Variants in EGFR observed in about 807,000 individuals in gnomAD.
EGFR encodes avian erythroblastic leukemia viral (v-erb-b) oncogene homolog.
A neutral mutation model predicts 143.0 loss-of-function variants in EGFR; 58 were observed. The observed-to-expected ratio is 0.41, with a 90% confidence interval of 0.33 to 0.50. EGFR has a LOEUF of 0.50. Among genes scored for constraint, EGFR ranks in the 20% least tolerant of loss-of-function variants. The pLI, the probability that EGFR is intolerant of heterozygous loss-of-function variation, is 0.39. For missense variants in EGFR, 1,307 were observed against 1,579.0 expected (o/e 0.83, Z 2.92); for synonymous variants, 613 against 594.4 (o/e 1.03, Z -0.45).
chr7:55,019,097 G>A lies in EGFR; in HGVS notation c.-181G>A. The A allele has an allele frequency of 3.0e-6, 1 of 328,580 alleles. No individual in the cohort carries two copies. Among genetic ancestry groups the A allele is most frequent in the Non-Finnish European group, 5.3e-6 (1 of 187,956 alleles). The allele number at this position is 328,580 out of a possible 1,614,324, so 20.4% of individuals were successfully genotyped here. ...CGGTGTGAGCGCCCGACGCGGCCGA[G>A]GCGGCCGGAGTCCCGAGCTAGCCCC... On this transcript the variant is annotated 5_prime_UTR_variant, in exon 1 of 28. Coordinates refer to ENST00000275493, the MANE Select transcript of EGFR (RefSeq NM_005228.5).
intron 1 of EGFR, among the ~76,000 whole-genome samples, chr7:55,038,642 T>A (rs1343274882): frequency 6.6e-6 from 1 of 152,224 alleles, no homozygotes; most frequent in South Asian, 2.1e-4. Flanking sequence ...GATTTTTAAA[T>A]TTTTGTTTAT....
rs759582787 is a variant in EGFR, at chr7:55,019,291, G to C, written c.14G>C (p.Gly5Ala). 3 of 1,507,762 alleles carry C rather than the reference G, an allele frequency of 2.0e-6. No homozygotes were observed. The Admixed American group carries it at 5.9e-5, about 30-fold the overall frequency. The allele number at this position is 1,507,762 out of a possible 1,614,324, so 93.4% of individuals were successfully genotyped here. Residue 5 changes from glycine to alanine, a missense_variant, in exon 1 of 28, where the codon GGG (glycine) becomes GCG (alanine). Gly to Ala is a moderately conservative substitution (Grantham distance 60, BLOSUM62 0). Around this residue, in one of 7 missense-constraint regions of EGFR, gnomAD observed 65 missense variants for 37.8 expected, o/e 1.72. Transcript: ENST00000275493. MRPSGTAGAALLALL... is the reference protein window; with the variant it reads MRPSATAGAALLALL... Reference sequence around the variant, plus strand: ...CGGGGAGCAGCGATGCGACCCTCCGGGACGGCCGGGGCAGCGCTCCTGGCG... The same window carrying C: ...CGGGGAGCAGCGATGCGACCCTCCGCGACGGCCGGGGCAGCGCTCCTGGCG...
intron 8 of EGFR, 53 bp from the exon 9 acceptor site, chr7:55,156,480 T>C (rs1785424288): frequency 6.2e-7 from 1 of 1,612,172 alleles, no homozygotes; most frequent in Non-Finnish European, 8.5e-7. Flanking sequence ...GATCCCTAGC[T>C]ATTCTTAATC....
intron 6 of EGFR, among the ~76,000 whole-genome samples, chr7:55,153,799 G>A (rs774567921): frequency 2.0e-5 from 3 of 152,168 alleles, no homozygotes; most frequent in Non-Finnish European, 4.4e-5. Flanking sequence ...AGGTGGGACA[G>A]TGCACCTAAG....
At chr7:55,058,785 G>A (rs1011219998) in intron 1 of EGFR, among the ~76,000 whole-genome samples, 2 of 152,024 alleles carry the variant, frequency 1.3e-5, no homozygotes, top group Admixed American at 1.3e-4. Flanking sequence ...AAACTACTAT[G>A]ACACAAGTTT....
In EGFR at chr7:55,159,306, T is replaced by C. The variant is rs17289977; in HGVS notation, c.1299-833T>C. On this transcript the variant is annotated intron_variant, in intron 11 of 27. Transcript: ENST00000275493. Reference sequence around the variant, plus strand: ...GAGGGGCTAGTGGTTCTCACACCCATCGTGGTCTGGCTGGGGCTAGTGGTT... The same window carrying C: ...GAGGGGCTAGTGGTTCTCACACCCACCGTGGTCTGGCTGGGGCTAGTGGTT... Among the ~76,000 whole-genome samples the C allele has an allele frequency of 7.7e-3, 1,179 of 152,256 alleles. 14 individuals are homozygous for C. Among genetic ancestry groups the C allele is most frequent in the African/African-American group, 0.027 (1,121 of 41,536 alleles).
chr7:55,031,460 A>G (rs1266710138), intron 1 of EGFR, among the ~76,000 whole-genome samples: 1 of 152,168 alleles, frequency 6.6e-6, no homozygotes, highest in East Asian at 1.9e-4. Context: ...TTTTCACTTC[A>G]CTTTCCACCT....
chr7:55,170,232 G>C, intron 15 of EGFR: 2 of 1,612,014 alleles, frequency 1.2e-6, no homozygotes, highest in South Asian at 2.2e-5. Flanking sequence ...AAACTGTTAG[G>C]ATCAGATTAT....
intron 4 of EGFR, among the ~76,000 whole-genome samples, chr7:55,147,803 C>G (rs534479903): frequency 5.3e-5 from 8 of 152,350 alleles, no homozygotes; most frequent in Non-Finnish European, 1.0e-4. Flanking sequence ...AGCCTCTGGC[C>G]CTGGCAGGCA....
chr7:55,077,800 A>G (rs1790218027), intron 1 of EGFR, among the ~76,000 whole-genome samples: 1 of 152,126 alleles, frequency 6.6e-6, no homozygotes, highest in South Asian at 2.1e-4. Flanking sequence ...TAAAAAAGAA[A>G]CCTGGGAGAG....
At chr7:55,163,710 G>C (rs185028309) in intron 13 of EGFR, 23 bp from the exon 14 acceptor site, 10 of 1,608,684 alleles carry the variant, frequency 6.2e-6, no homozygotes, top group Non-Finnish European at 8.5e-6. Context: ...GTGGGCTGAC[G>C]GGTTTCCTCT....
chr7:55,156,302 T>C (rs559723032), intron 8 of EGFR, among the ~76,000 whole-genome samples: 3 of 152,296 alleles, frequency 2.0e-5, no homozygotes, highest in Non-Finnish European at 2.9e-5. Flanking sequence ...GTGACAGGGA[T>C]GGCATCTCCT....
chr7:55,136,696 T>A (rs1794164784), intron 1 of EGFR, among the ~76,000 whole-genome samples: 1 of 152,248 alleles, frequency 6.6e-6, no homozygotes, highest in African/African-American at 2.4e-5. Context: ...TAATGTTGAA[T>A]TTTTTATCTT....
In EGFR at chr7:55,147,220, A is replaced by G. The variant is rs1794813340; in HGVS notation, c.559+480A>G. 2.6e-5 allele frequency among the ~76,000 whole-genome samples: 4 copies of G among 152,334 alleles called. No homozygotes were observed. The South Asian group carries it at 8.3e-4, about 32-fold the overall frequency. ...ACTGCCATGGAGAGGAAGTCTGTCCATGTTTCCTTGAATACTGGTGGCCTG... is the reference window on the plus strand; with the variant it reads ...ACTGCCATGGAGAGGAAGTCTGTCCGTGTTTCCTTGAATACTGGTGGCCTG... On this transcript the variant is annotated intron_variant, in intron 4 of 27. Transcript: ENST00000275493.
intron 1 of EGFR, among the ~76,000 whole-genome samples, chr7:55,065,670 T>C (rs6964933): frequency 1.3e-5 from 2 of 152,026 alleles, no homozygotes; most frequent in Non-Finnish European, 2.9e-5. Flanking sequence ...CAGCGATGAG[T>C]TCAAGCGTCC....
At chr7:55,153,918 T>C (rs2128934639) in intron 6 of EGFR, 93 bp from the exon 7 acceptor site, 3 of 1,586,528 alleles carry the variant, frequency 1.9e-6, no homozygotes, top group East Asian at 2.2e-5. Context: ...ACTTGGGCTT[T>C]CTGACGGGAG....
intron 1 of EGFR, among the ~76,000 whole-genome samples, chr7:55,096,513 C>T (rs1477441259): frequency 1.3e-5 from 2 of 152,034 alleles, no homozygotes; most frequent in East Asian, 3.9e-4. Context: ...CCAGAGGTCA[C>T]CTGTGATAAG....
chr7:55,064,671 A>G (rs1287271763), intron 1 of EGFR, among the ~76,000 whole-genome samples: 1 of 152,264 alleles, frequency 6.6e-6, no homozygotes, highest in African/African-American at 2.4e-5. Context: ...ACAAAGGATT[A>G]TGACAGCCCC....
chr7:55,181,567 C>T, intron 20 of EGFR, 89 bp downstream of exon 20: 23 of 1,518,220 alleles, frequency 1.5e-5, no homozygotes, highest in Non-Finnish European at 2.1e-5. Context: ...AAGAGTTTGC[C>T]ATGGGGATAT....
Sources: gnomAD v4.1 joint callset for allele counts (sites outside exome capture counted in the v4.1 genomes callset) on GRCh38, gnomAD v4.1.1 for gene constraint, gnomAD v4.1.1 regional missense constraint, MANE v1.5 for transcripts, NCBI Gene and HGNC (gene_info 2026-07-23, HGNC 2026-07-21) for gene names.